The following TMEM263 variants were observed in gnomAD, a reference collection of about 807,000 sequenced individuals.
TMEM263 encodes the protein transmembrane protein 263, also known as UPF0444 transmembrane protein C12orf23.
A neutral mutation model predicts 8.6 loss-of-function variants in TMEM263; 5 were observed. The ratio of observed to expected loss-of-function variants is 0.58; its 90% confidence interval spans 0.31 to 1.23. TMEM263 has a LOEUF of 1.23. TMEM263 is among the 50% of genes most tolerant of loss of function. TMEM263 has a pLI of 0.07. For missense variants in TMEM263, 104 were observed against 138.8 expected, an observed-to-expected ratio of 0.75 and a Z score of 1.26; for synonymous variants, 50 against 47.9, an observed-to-expected ratio of 1.04 and a Z score of -0.18.
At chr12:106,960,418 C>G (rs1220742524) in intron 2 of TMEM263, among the ~76,000 whole-genome samples, 4 of 151,870 alleles carry the variant, frequency 2.6e-5, no homozygotes, top group Admixed American at 6.6e-5. Flanking sequence ...GTGAATTCCT[C>G]TAGTCTAGGA....
Position 106,971,404 on chromosome 12 carries a change from C to G in TMEM263, c.*13C>G, listed in dbSNP as rs1419025829. The stretch of plus-strand genomic sequence containing the variant: ...CAAATCTGACTGAAATATAGAGATA[C>G]ACTTGCGCTCCACAGCACTGTAATG... On this transcript the variant is annotated 3_prime_UTR_variant, in exon 4 of 4. Transcript: ENST00000280756. The G allele has an allele frequency of 6.3e-7, 1 of 1,581,548 alleles. No homozygotes were observed.
At chr12:106,964,429 A>G (rs1951817916) in intron 2 of TMEM263, among the ~76,000 whole-genome samples, 1 of 152,226 alleles carries the variant, frequency 6.6e-6, no homozygotes, top group African/African-American at 2.4e-5. Context: ...ATGATGATAA[A>G]TCAAAGAAAA....
At chr12:106,959,469 C>T (rs1566221090) in intron 2 of TMEM263, 1 of 152,194 alleles carries the variant, frequency 6.6e-6, no homozygotes, top group Non-Finnish European at 1.5e-5. Flanking sequence ...TCTGGAACTC[C>T]TGACCTCAGG....
intron 2 of TMEM263, among the ~76,000 whole-genome samples, chr12:106,958,608 CAATTT>C: frequency 1.3e-5 from 2 of 152,312 alleles, no homozygotes; most frequent in East Asian, 3.9e-4. Context: ...TCATATGTCA[CAATTT>C]CTTAAAAACC....
chr12:106,958,774 T>A (rs1029280975), intron 2 of TMEM263, among the ~76,000 whole-genome samples: 2 of 152,308 alleles, frequency 1.3e-5, no homozygotes, highest in East Asian at 3.9e-4. Flanking sequence ...GAAAAGTATG[T>A]GTTGTTTTGT....
intron 2 of TMEM263, among the ~76,000 whole-genome samples, chr12:106,957,789 A>G (rs1016481229): frequency 6.6e-6 from 1 of 152,198 alleles, no homozygotes; most frequent in Admixed American, 6.5e-5. Context: ...GTGGGCACTT[A>G]CAAGTTTTAC....
chr12:106,970,750 A>G (rs1951908867), intron 3 of TMEM263, among the ~76,000 whole-genome samples: 1 of 152,228 alleles, frequency 6.6e-6, no homozygotes, highest in Non-Finnish European at 1.5e-5. Context: ...GGCCAAATGT[A>G]GTTATCTTTT....
At chr12:106,961,030 CTCTTCGTCCTGTCCT>C (rs1349280470) in intron 2 of TMEM263, among the ~76,000 whole-genome samples, 8 of 142,638 alleles carry the variant, frequency 5.6e-5, no homozygotes, top group African/African-American at 2.4e-4. Context: ...CTCCTCTCTT[CTCTTCGTCCTGTCCT>C]GTCCTGTCCT....
At chr12:106,958,181 C>A (rs1293837836) in intron 2 of TMEM263, among the ~76,000 whole-genome samples, 1 of 152,092 alleles carries the variant, frequency 6.6e-6, no homozygotes, top group African/African-American at 2.4e-5. Flanking sequence ...GTGGCTTTGA[C>A]AATAAACTTG....
chr12:106,970,384 T>C, intron 3 of TMEM263, among the ~76,000 whole-genome samples: 1 of 141,268 alleles, frequency 7.1e-6, no homozygotes, highest in South Asian at 2.1e-4. Context: ...TAGTAATTCT[T>C]TCAAAACAAA....
chr12:106,964,492 T>C (rs777652778), intron 2 of TMEM263, among the ~76,000 whole-genome samples: 49 of 152,188 alleles, frequency 3.2e-4, no homozygotes, highest in Non-Finnish European at 2.8e-4. Flanking sequence ...GTTTTAAAAT[T>C]AGGGCACATC....
In TMEM263 at chr12:106,971,969, A is replaced by G. The variant is rs1951927803; in HGVS notation, c.*578A>G. On this transcript the variant is annotated 3_prime_UTR_variant, in exon 4 of 4. Coordinates refer to ENST00000280756, the MANE Select transcript of TMEM263 (RefSeq NM_152261.4). ...TCTTTTGTTAGTAAATATGCGTTCTATTATTTTAATCATTGATGCCTTACA... is the reference window on the plus strand; with the variant it reads ...TCTTTTGTTAGTAAATATGCGTTCTGTTATTTTAATCATTGATGCCTTACA... 1 of 152,690 alleles carries G rather than the reference A, an allele frequency of 6.5e-6. No individual in the cohort carries two copies. The highest frequency in any genetic ancestry group is 2.1e-4 in the South Asian group (1 of 4,836). 9.5% of individuals were successfully genotyped at this position (152,690 alleles called of 1,614,324 possible).
intron 3 of TMEM263, among the ~76,000 whole-genome samples, 186 bp from the exon 4 acceptor site, chr12:106,970,919 T>C (rs533341805): frequency 7.7e-4 from 117 of 152,324 alleles, no homozygotes; most frequent in African/African-American, 2.7e-3. Context: ...TGGACCAAGA[T>C]ATTGTAAAAA....
intron 2 of TMEM263, among the ~76,000 whole-genome samples, chr12:106,961,456 T>C (rs1423674406): frequency 6.6e-6 from 1 of 151,982 alleles, no homozygotes; most frequent in Admixed American, 6.6e-5. Context: ...GATACTCAAA[T>C]TGCAAACCAG....
intron 2 of TMEM263, 60 bp from the exon 3 acceptor site, chr12:106,967,051 T>TAAGAGGTAG: frequency 1.9e-6 from 2 of 1,073,096 alleles, no homozygotes; most frequent in Admixed American, 2.0e-5. Context: ...TAGCATGTGA[T>TAAGAGGTAG]AAGAGGTAGT....
intron 1 of TMEM263, 101 bp downstream of exon 1, chr12:106,956,166 C>A: frequency 1.7e-6 from 1 of 574,700 alleles, no homozygotes; most frequent in Non-Finnish European, 2.2e-6. Context: ...CTCCCAGTGC[C>A]CGGCCTGGCT....
intron 2 of TMEM263, among the ~76,000 whole-genome samples, chr12:106,965,294 A>G (rs1452886647): frequency 6.6e-6 from 1 of 152,026 alleles, no homozygotes; most frequent in Non-Finnish European, 1.5e-5. Context: ...TATCCTATCT[A>G]AAATATCATA....
intron 2 of TMEM263, among the ~76,000 whole-genome samples, chr12:106,963,203 G>A (rs2058474027): frequency 6.6e-6 from 1 of 152,152 alleles, no homozygotes; most frequent in Admixed American, 6.6e-5. Flanking sequence ...TGGCCTCAAA[G>A]GCAAAGGTAT....
intron 2 of TMEM263, among the ~76,000 whole-genome samples, chr12:106,966,388 G>A (rs968991017): frequency 1.8e-4 from 28 of 152,188 alleles, no homozygotes; most frequent in African/African-American, 6.8e-4. Flanking sequence ...CCAGTCCACT[G>A]TTGATGGGCA....
Sources: gnomAD v4.1 joint callset for allele counts (sites outside exome capture counted in the v4.1 genomes callset) on GRCh38, gnomAD v4.1.1 for gene constraint, MANE v1.5 for transcripts, NCBI Gene and HGNC (gene_info 2026-07-23, HGNC 2026-07-21) for gene names.